TSNAXIP1: variants seen among roughly 807,000 people sequenced by gnomAD.
TSNAXIP1 encodes the protein translin-associated factor X-interacting protein 1.
In TSNAXIP1, 89 loss-of-function variants were observed where a neutral mutation model predicts 84.8. The ratio of observed to expected loss-of-function variants is 1.05; its 90% CI spans 0.88 to 1.25. The LOEUF (loss-of-function observed/expected upper bound fraction) is 1.25, where lower values mean the gene tolerates loss of function less well. Ranked by LOEUF, TSNAXIP1 falls within the 50% of genes most tolerant of loss-of-function variation. The pLI, the probability that TSNAXIP1 is intolerant of heterozygous loss-of-function variation, is 0.00. For missense variants in TSNAXIP1, 874 were observed against 887.6 expected (o/e 0.98, Z 0.20); for synonymous variants, 347 against 335.2 (o/e 1.04, Z -0.39).
chr16:67,807,095 ACGC>A lies in TSNAXIP1; in HGVS notation c.-54_-52del, dbSNP rs1488402599. The stretch of plus-strand genomic sequence containing the variant: ...CCTGGTCGCCATGGCGACCGGCTGT[ACGC>A]TACCACAGCTTCCCAGGCCGCGGGT... On this transcript the variant is annotated 5_prime_UTR_variant, in exon 1 of 16. Coordinates refer to ENST00000561639, the MANE Select transcript of TSNAXIP1 (RefSeq NM_001288990.3). 4.6e-6 allele frequency: 7 copies of A among 1,527,366 alleles called. No homozygotes were observed. Among genetic ancestry groups the A allele is most frequent in the Non-Finnish European group, 6.1e-6 (7 of 1,142,014 alleles). The allele number at this position is 1,527,366 out of a possible 1,614,324, so 94.6% of individuals were successfully genotyped here.
At chr16:67,819,919 T>C (rs956715298) in intron 2 of TSNAXIP1, among the ~76,000 whole-genome samples, 5 of 149,754 alleles carry the variant, frequency 3.3e-5, no homozygotes, top group Non-Finnish European at 4.4e-5. Context: ...CCTGGGTTCA[T>C]GCCATTCTCC....
At chr16:67,822,748 G>C (rs2057163196) in intron 4 of TSNAXIP1, among the ~76,000 whole-genome samples, 1 of 152,208 alleles carries the variant, frequency 6.6e-6, no homozygotes, top group Admixed American at 6.5e-5. Flanking sequence ...CTGGGCTGGG[G>C]CCTTACATCG....
chr16:67,810,033 T>G (rs1050445696), intron 1 of TSNAXIP1, among the ~76,000 whole-genome samples: 4 of 152,190 alleles, frequency 2.6e-5, no homozygotes, highest in African/African-American at 9.6e-5. Flanking sequence ...TTTAGTGATG[T>G]TGGGCCAGAC....
chr16:67,826,340 G>A, intron 10 of TSNAXIP1, 58 bp downstream of exon 10: 1 of 1,598,134 alleles, frequency 6.3e-7, no homozygotes, highest in Non-Finnish European at 8.5e-7. Flanking sequence ...ATGCCCTGCT[G>A]CTCAGACAAG....
chr16:67,824,214 A>G (rs1235324874), intron 5 of TSNAXIP1, among the ~76,000 whole-genome samples: 3 of 151,830 alleles, frequency 2.0e-5, no homozygotes, highest in African/African-American at 7.3e-5. Flanking sequence ...ACCTGACAAC[A>G]CCTGTCATTG....
At chr16:67,816,797 C>T (rs35316276) in intron 2 of TSNAXIP1, among the ~76,000 whole-genome samples, 31,724 of 151,830 alleles carry the variant, frequency 0.21, 4,176 homozygotes, top group Middle Eastern at 0.32. Context: ...TGCGTTCCAG[C>T]CACCCGGGCG....
chr16:67,807,122 G>T lies in TSNAXIP1; in HGVS notation c.-28G>T. ...GCTACCACAGCTTCCCAGGCCGCGGGTGCTGATTGCCCGCCTGCCCGTGGG... is the reference window on the plus strand; with the variant it reads ...GCTACCACAGCTTCCCAGGCCGCGGTTGCTGATTGCCCGCCTGCCCGTGGG... On this transcript the variant is annotated 5_prime_UTR_variant, in exon 1 of 16. Transcript: ENST00000561639. The T allele has an allele frequency of 6.5e-7, 1 of 1,533,752 alleles. No homozygotes were observed. Among genetic ancestry groups the T allele is most frequent in the Non-Finnish European group, 8.7e-7 (1 of 1,146,190 alleles).
chr16:67,813,419 A>G (rs1475829384), intron 1 of TSNAXIP1, among the ~76,000 whole-genome samples: 2 of 150,732 alleles, frequency 1.3e-5, no homozygotes, highest in Non-Finnish European at 3.0e-5. Flanking sequence ...AAACTTCATA[A>G]CTTTGTAAGA....
intron 1 of TSNAXIP1, among the ~76,000 whole-genome samples, chr16:67,810,505 G>A (rs1423136713): frequency 6.6e-6 from 1 of 151,892 alleles, no homozygotes; most frequent in Non-Finnish European, 1.5e-5. Flanking sequence ...TGCAATCCCA[G>A]CTACTTGGGA....
intron 6 of TSNAXIP1, 130 bp from the exon 7 acceptor site, chr16:67,825,007 C>T: frequency 3.0e-6 from 4 of 1,337,746 alleles, no homozygotes; most frequent in Non-Finnish European, 4.1e-6. Flanking sequence ...GGCCAATCTC[C>T]TTCTTCTTTC....
In TSNAXIP1 at chr16:67,828,004, G is replaced by A. The variant is rs1555577975; in HGVS notation, c.*11G>A. On this transcript the variant is annotated 3_prime_UTR_variant, in exon 16 of 16. Transcript: ENST00000561639. ...GAGCCTGCAAGCTAGGAACTTGTGG[G>A]CAGCCTGCGTACTCCAGTCCTGCTA... The A allele has an allele frequency of 1.9e-6, 3 of 1,611,774 alleles. No homozygotes were observed. Among genetic ancestry groups the A allele is most frequent in the Non-Finnish European group, 2.5e-6 (3 of 1,179,358 alleles).
At chr16:67,815,956 T>A (rs2056512614) in intron 2 of TSNAXIP1, among the ~76,000 whole-genome samples, 1 of 149,448 alleles carries the variant, frequency 6.7e-6, no homozygotes, top group African/African-American at 2.5e-5. Flanking sequence ...CACACCACCA[T>A]GCCCGGCTAA....
intron 1 of TSNAXIP1, 52 bp from the exon 2 acceptor site, chr16:67,814,250 C>T (rs760648395): frequency 1.5e-4 from 203 of 1,398,398 alleles, no homozygotes; most frequent in Non-Finnish European, 2.0e-4. Flanking sequence ...TGGGAGTTCT[C>T]TTCCCACTCT....
At chr16:67,825,074 G>T in intron 6 of TSNAXIP1, 63 bp from the exon 7 acceptor site, 1 of 1,587,194 alleles carries the variant, frequency 6.3e-7, no homozygotes, top group Non-Finnish European at 8.6e-7. Flanking sequence ...CACTCCCTGG[G>T]GTGACCAGCT....
rs1266250107 is a variant in TSNAXIP1, at chr16:67,824,051, C to T, written c.481+332C>T. Among the ~76,000 whole-genome samples, 3 of 152,062 alleles carry T rather than the reference C, an allele frequency of 2.0e-5. No homozygotes were observed. The East Asian group carries it at 5.8e-4, about 29-fold the overall frequency. On this transcript the variant is annotated intron_variant, in intron 5 of 15. Transcript: ENST00000561639. ...AAAAAAAAAAAAGAATGCAGCTCCC[C>T]TCCTTGTCCCAGCCTGGAAGGGGTG...
chr16:67,814,162 C>G, intron 1 of TSNAXIP1, 140 bp from the exon 2 acceptor site: 1 of 645,172 alleles, frequency 1.5e-6, no homozygotes, highest in South Asian at 1.9e-5. Context: ...ACTTGCTTGG[C>G]AGTGTCTCTG....
chr16:67,810,417 G>A (rs1294634512), intron 1 of TSNAXIP1, among the ~76,000 whole-genome samples: 2 of 151,872 alleles, frequency 1.3e-5, no homozygotes, highest in East Asian at 1.9e-4. Context: ...TCAGGAGTTC[G>A]AGACCAGCCT....
At chr16:67,827,663 C>A in intron 15 of TSNAXIP1, 84 bp downstream of exon 15, 2 of 1,610,568 alleles carry the variant, frequency 1.2e-6, no homozygotes, top group South Asian at 2.2e-5. Flanking sequence ...GCACCATCCA[C>A]TGCTCAGCCC....
intron 2 of TSNAXIP1, among the ~76,000 whole-genome samples, chr16:67,816,169 G>A (rs987827284): frequency 3.3e-5 from 5 of 151,510 alleles, no homozygotes; most frequent in Admixed American, 6.6e-5. Context: ...GGGTTTTACC[G>A]TGTTGGCCAG....
Sources: gnomAD v4.1 joint callset for allele counts (sites outside exome capture counted in the v4.1 genomes callset) on GRCh38, gnomAD v4.1.1 for gene constraint, MANE v1.5 for transcripts, NCBI Gene and HGNC (gene_info 2026-07-23, HGNC 2026-07-21) for gene names.